The following DMRT1 variants were observed in gnomAD, a reference collection of about 807,000 sequenced individuals.
The protein encoded by DMRT1 is doublesex- and mab-3-related transcription factor 1.
In DMRT1, 7 loss-of-function variants were observed where a neutral mutation model predicts 32.3. The observed-to-expected ratio is 0.22, with a 90% CI of 0.12 to 0.41. The LOEUF (loss-of-function observed/expected upper bound fraction) is 0.41, where lower values mean the gene tolerates loss of function less well. Among genes scored for constraint, DMRT1 ranks in the 10% least tolerant of loss-of-function variants. The pLI is 1.00. For synonymous variants in DMRT1, 278 were observed against 206.1 expected, an observed-to-expected ratio of 1.35 and a Z score of -2.99; for missense variants, 625 against 500.5, an observed-to-expected ratio of 1.25 and a Z score of -2.37.
intron 2 of DMRT1, among the ~76,000 whole-genome samples, chr9:858,556 T>A (rs1815503237): frequency 6.6e-6 from 1 of 152,136 alleles, no homozygotes; most frequent in African/African-American, 2.4e-5. Flanking sequence ...TCTTTTATTG[T>A]GGTACAATAT....
intron 4 of DMRT1, among the ~76,000 whole-genome samples, chr9:955,060 C>T (rs1819556078): frequency 6.6e-6 from 1 of 152,168 alleles, no homozygotes; most frequent in African/African-American, 2.4e-5. Context: ...AAAGAGAACC[C>T]AGTTCAGCAG....
At chr9:950,210 G>A (rs76739351) in intron 4 of DMRT1, among the ~76,000 whole-genome samples, 17,170 of 152,094 alleles carry the variant, frequency 0.11, 1,074 homozygotes, top group African/African-American at 0.13. Flanking sequence ...CTGCAACTCA[G>A]TTGATGCCTT....
Position 885,962 on chromosome 9 carries a change from A to G in DMRT1, c.539-7950A>G, listed in dbSNP as rs575939471. The stretch of plus-strand genomic sequence containing the variant: ...AACACAGCACATTCTCTTGAAAACA[A>G]TGCTGCTAGCTTTCTGTTATTATTC... On this transcript the variant is annotated intron_variant, in intron 2 of 4. Coordinates refer to ENST00000382276, the MANE Select transcript of DMRT1 (RefSeq NM_021951.3). 2.4e-3 allele frequency among the ~76,000 whole-genome samples: 364 copies of G among 152,330 alleles called. 3 individuals are homozygous for G. Among genetic ancestry groups the G allele is most frequent in the African/African-American group, 7.7e-3 (318 of 41,568 alleles).
intron 2 of DMRT1, among the ~76,000 whole-genome samples, chr9:891,373 C>G (rs1468698482): frequency 6.6e-6 from 1 of 151,912 alleles, no homozygotes; most frequent in African/African-American, 2.4e-5. Flanking sequence ...ATCGCTTGAG[C>G]CCAGAAGGAG....
chr9:951,621 A>T (rs547538075), intron 4 of DMRT1, among the ~76,000 whole-genome samples: 1 of 152,206 alleles, frequency 6.6e-6, no homozygotes, highest in Non-Finnish European at 1.5e-5. Context: ...CCTCTTGGGT[A>T]AATTAGTTTA....
In DMRT1 at chr9:946,474, G is replaced by A. The variant is rs12341765; in HGVS notation, c.968-21511G>A. On this transcript the variant is annotated intron_variant, in intron 4 of 4. Coordinates refer to ENST00000382276, the MANE Select transcript of DMRT1 (RefSeq NM_021951.3). ...AGGTAACTGGACCATTTCATCCACC[G>A]TGGCTCTCTCCTCCCTCTGCAAGAA... 6.6e-3 allele frequency among the ~76,000 whole-genome samples: 997 copies of A among 152,144 alleles called. 10 individuals carry two copies. Among genetic ancestry groups the A allele is most frequent in the African/African-American group, 0.023 (954 of 41,512 alleles).
At chr9:887,317 C>A (rs748942671) in intron 2 of DMRT1, among the ~76,000 whole-genome samples, 1 of 152,184 alleles carries the variant, frequency 6.6e-6, no homozygotes, top group Non-Finnish European at 1.5e-5. Context: ...CTTAAAGTGA[C>A]TTCTTGCCTG....
chr9:894,079 G>A lies in DMRT1; in HGVS notation c.706G>A (p.Ala236Thr). The A allele has an allele frequency of 6.2e-7, 1 of 1,614,248 alleles. No individual in the cohort carries two copies. The highest frequency in any genetic ancestry group is 8.5e-7 in the Non-Finnish European group (1 of 1,180,048). ...YNCPQYSMAL[A>T]ADSASGEVGN... is the part of the protein sequence containing the mutation. ...CTGCCCGCAGTACTCCATGGCCTTG[G>A]CTGCTGATTCTGCTTCTGGGGAGGT... The change falls in exon 3 of 5, where the codon GCT becomes ACT. Residue 236 changes from alanine (A) to threonine (T), a missense_variant. This residue lies in a region of DMRT1 where 416 missense variants were observed against 321.6 expected (regional missense o/e 1.29). Transcript: ENST00000382276.
At chr9:951,945 T>A (rs1819440772) in intron 4 of DMRT1, among the ~76,000 whole-genome samples, 1 of 152,220 alleles carries the variant, frequency 6.6e-6, no homozygotes, top group Non-Finnish European at 1.5e-5. Flanking sequence ...CAGTGTCCAT[T>A]CAATGCCTGT....
chr9:963,967 G>C (rs1416669331), intron 4 of DMRT1, among the ~76,000 whole-genome samples: 1 of 152,198 alleles, frequency 6.6e-6, no homozygotes, highest in African/African-American at 2.4e-5. Context: ...TGAAGAGTTG[G>C]TAACAACTGA....
intron 2 of DMRT1, among the ~76,000 whole-genome samples, chr9:879,167 A>C (rs192908246): frequency 5.9e-5 from 9 of 152,348 alleles, no homozygotes; most frequent in African/African-American, 1.9e-4. Context: ...GGGGCTGTTA[A>C]GATGGAAGTT....
intron 2 of DMRT1, among the ~76,000 whole-genome samples, chr9:875,804 A>G (rs1364864020): frequency 6.6e-6 from 1 of 152,204 alleles, no homozygotes; most frequent in African/African-American, 2.4e-5. Context: ...GTGTGTGTGC[A>G]TATATAGTGT....
At chr9:885,550 A>C (rs1041545278) in intron 2 of DMRT1, among the ~76,000 whole-genome samples, 2 of 152,220 alleles carry the variant, frequency 1.3e-5, no homozygotes, top group Middle Eastern at 6.3e-3. Context: ...AGTGCCTATC[A>C]GTCTGCTCTC....
chr9:872,293 C>T (rs543522552), intron 2 of DMRT1, among the ~76,000 whole-genome samples: 45 of 152,230 alleles, frequency 3.0e-4, no homozygotes, highest in South Asian at 1.2e-3. Context: ...GAACTCCTGA[C>T]CTTGTGATCC....
At chr9:940,102 C>T (rs1224742825) in intron 4 of DMRT1, among the ~76,000 whole-genome samples, 1 of 152,080 alleles carries the variant, frequency 6.6e-6, no homozygotes, top group East Asian at 1.9e-4. Context: ...AACCATCATG[C>T]ACTGCTGACT....
intron 4 of DMRT1, among the ~76,000 whole-genome samples, chr9:963,845 G>A (rs1819850870): frequency 6.6e-6 from 1 of 152,184 alleles, no homozygotes; most frequent in Non-Finnish European, 1.5e-5. Flanking sequence ...AGAATTTGTT[G>A]TTTAAGAAAT....
At chr9:879,775 G>C (rs998837435) in intron 2 of DMRT1, among the ~76,000 whole-genome samples, 35 of 152,212 alleles carry the variant, frequency 2.3e-4, no homozygotes, top group African/African-American at 7.5e-4. Flanking sequence ...TATGGCCATA[G>C]ACTCTCTTAT....
At chr9:961,752 G>A (rs1297236395) in intron 4 of DMRT1, among the ~76,000 whole-genome samples, 1 of 152,184 alleles carries the variant, frequency 6.6e-6, no homozygotes, top group South Asian at 2.1e-4. Flanking sequence ...ACTAAATCCT[G>A]ATATGATTCT....
rs371071420 is a variant in DMRT1, at chr9:961,251, T to TA, written c.968-6732dup. ...TCCTGCAGCAAACCCACACACTGGG[T>TA]AACTCTTTGCTCTTCTCTCCTCAGA... On this transcript the variant is annotated intron_variant, in intron 4 of 4. Coordinates refer to ENST00000382276, the MANE Select transcript of DMRT1 (RefSeq NM_021951.3). Among the ~76,000 whole-genome samples, 10 of 152,276 alleles carry TA rather than the reference T, an allele frequency of 6.6e-5. 1 individual carries two copies. Among genetic ancestry groups the TA allele is most frequent in the African/African-American group, 2.4e-4 (10 of 41,554 alleles).
Sources: gnomAD v4.1 joint callset for allele counts (sites outside exome capture counted in the v4.1 genomes callset) on GRCh38, gnomAD v4.1.1 for gene constraint, gnomAD v4.1.1 regional missense constraint, MANE v1.5 for transcripts, NCBI Gene and HGNC (gene_info 2026-07-23, HGNC 2026-07-21) for gene names.